The following ARFGEF3 variants were observed in gnomAD, a reference collection of about 807,000 sequenced individuals.
ARFGEF3 encodes the protein ARFGEF family member 3.
In ARFGEF3, 96 loss-of-function variants were observed where a neutral mutation model predicts 221.7. The ratio of observed to expected loss-of-function variants is 0.43; its 90% confidence interval spans 0.37 to 0.51. The LOEUF is 0.51. Among genes scored for constraint, ARFGEF3 ranks in the 20% least tolerant of loss-of-function variants. ARFGEF3 has a pLI of 0.00. For missense variants in ARFGEF3, 2,410 were observed against 2,789.9 expected, an observed-to-expected ratio of 0.86 and a Z score of 3.07; for synonymous variants, 1,145 against 1,126.8, an observed-to-expected ratio of 1.02 and a Z score of -0.32.
intron 2 of ARFGEF3, among the ~76,000 whole-genome samples, chr6:138,179,421 T>C (rs1777018530): frequency 6.6e-6 from 1 of 152,206 alleles, no homozygotes; most frequent in African/African-American, 2.4e-5. Flanking sequence ...CCTAATTGCT[T>C]TCTCTTGCCA....
Position 138,206,909 on chromosome 6 carries a change from G to T in ARFGEF3, c.138-133G>T, listed in dbSNP as rs114844043. 1.4e-4 allele frequency: 94 copies of T among 658,690 alleles called. 1 individual carries two copies. The African/African-American group carries it at 1.6e-3, about 11-fold the overall frequency. 40.8% of individuals were successfully genotyped at this position (658,690 alleles called of 1,614,324 possible). Reference sequence around the variant, plus strand: ...GCTGTGTTTTCTCTTAAGCCCATGTGCATTTTTATTATTGGTTATAGTTTT... The same window carrying T: ...GCTGTGTTTTCTCTTAAGCCCATGTTCATTTTTATTATTGGTTATAGTTTT... On this transcript the variant is annotated intron_variant, in intron 2 of 33. Transcript: ENST00000251691.
In ARFGEF3 at chr6:138,286,041, T is replaced by C. The variant is rs765351332; in HGVS notation, c.2557T>C (p.Ser853Pro). Residue 853 changes from serine (S) to proline (P), a missense_variant, in exon 15 of 34, where the codon TCC (serine) becomes CCC (proline). Transcript: ENST00000251691. ...CGCCCAGAGCAGGAGAATTGATGAC[T>C]CCACAGTGGCAGGTAATGACTTGGG... Reference protein sequence around the residue: ...PFAQSRRIDDSTVAGVAFARY... With the variant: ...PFAQSRRIDDPTVAGVAFARY... 1 of 1,599,616 alleles carries C rather than the reference T, an allele frequency of 6.3e-7. No homozygotes were observed. The highest frequency in any genetic ancestry group is 2.2e-5 in the East Asian group (1 of 44,872).
At chr6:138,298,392 A>T (rs1779561125) in intron 21 of ARFGEF3, among the ~76,000 whole-genome samples, 1 of 152,256 alleles carries the variant, frequency 6.6e-6, no homozygotes, top group African/African-American at 2.4e-5. Flanking sequence ...TAGAAACATT[A>T]ACATGAAATT....
intron 2 of ARFGEF3, among the ~76,000 whole-genome samples, chr6:138,179,266 G>C (rs1777016267): frequency 6.6e-6 from 1 of 152,172 alleles, no homozygotes; most frequent in Non-Finnish European, 1.5e-5. Context: ...GAATCCTGGA[G>C]CTATTTTGTC....
intron 8 of ARFGEF3, among the ~76,000 whole-genome samples, chr6:138,246,593 T>G (rs1267268666): frequency 6.6e-6 from 1 of 152,234 alleles, no homozygotes; most frequent in Non-Finnish European, 1.5e-5. Flanking sequence ...TCTTCTGTTG[T>G]TCCTGTAAGT....
At chr6:138,220,114 T>C (rs1777954741) in intron 4 of ARFGEF3, among the ~76,000 whole-genome samples, 1 of 152,122 alleles carries the variant, frequency 6.6e-6, no homozygotes, top group Non-Finnish European at 1.5e-5. Flanking sequence ...GACCTCCAGG[T>C]CTCAGGTGAT....
intron 12 of ARFGEF3, among the ~76,000 whole-genome samples, chr6:138,272,142 CATTT>C (rs6149826): frequency 6.1e-5 from 9 of 148,752 alleles, no homozygotes; most frequent in Admixed American, 2.0e-4. Flanking sequence ...TAGCAGATGC[CATTT>C]ATTTATTTAT....
chr6:138,264,808 A>G (rs1158615190), intron 12 of ARFGEF3, among the ~76,000 whole-genome samples: 2 of 152,200 alleles, frequency 1.3e-5, no homozygotes, highest in Non-Finnish European at 2.9e-5. Flanking sequence ...CTTAACAAGT[A>G]TCTTTAAGAA....
chr6:138,242,130 C>G (rs1415398703), intron 6 of ARFGEF3, among the ~76,000 whole-genome samples: 1 of 152,132 alleles, frequency 6.6e-6, no homozygotes, highest in Non-Finnish European at 1.5e-5. Context: ...AAATGCGTGC[C>G]TGTAGCAAGT....
At chr6:138,184,323 A>G (rs1012779511) in intron 2 of ARFGEF3, among the ~76,000 whole-genome samples, 2 of 152,158 alleles carry the variant, frequency 1.3e-5, no homozygotes, top group Admixed American at 6.5e-5. Flanking sequence ...TCTTATGAAG[A>G]TTACATAAGA....
chr6:138,217,837 A>C, intron 4 of ARFGEF3: 1 of 1,122,348 alleles, frequency 8.9e-7, no homozygotes, highest in Admixed American at 3.3e-5. Context: ...TAGAATTGAA[A>C]TAACCTCCTA....
At chr6:138,282,487 G>A (rs1234945885) in intron 14 of ARFGEF3, among the ~76,000 whole-genome samples, 3 of 151,940 alleles carry the variant, frequency 2.0e-5, no homozygotes, top group African/African-American at 4.8e-5. Context: ...CTTACAAGGT[G>A]TCAGAATAAA....
At chr6:138,262,671 A>T in intron 11 of ARFGEF3, 30 bp from the exon 12 acceptor site, 1 of 1,556,450 alleles carries the variant, frequency 6.4e-7, no homozygotes, top group East Asian at 2.3e-5. Context: ...TTATGCATTT[A>T]TTCCATTTTC....
intron 16 of ARFGEF3, 45 bp from the exon 17 acceptor site, chr6:138,287,029 A>C: frequency 6.4e-7 from 1 of 1,558,782 alleles, no homozygotes; most frequent in Non-Finnish European, 8.7e-7. Context: ...GTGAATGGTT[A>C]GAGGATATAC....
intron 1 of ARFGEF3, among the ~76,000 whole-genome samples, chr6:138,165,251 TC>T (rs1297940575): frequency 6.7e-6 from 1 of 148,742 alleles, no homozygotes; most frequent in Non-Finnish European, 1.5e-5. Context: ...AGAGGGGATA[TC>T]CCCCTCTGAG....
chr6:138,324,579 T>A (rs749610066), intron 31 of ARFGEF3, among the ~76,000 whole-genome samples: 1 of 152,254 alleles, frequency 6.6e-6, no homozygotes, highest in Non-Finnish European at 1.5e-5. Context: ...CTTAATAAAT[T>A]TGAGTTGAAT....
chr6:138,318,947 C>CAAAG (rs955405008), intron 27 of ARFGEF3, among the ~76,000 whole-genome samples: 4 of 152,058 alleles, frequency 2.6e-5, no homozygotes, highest in Non-Finnish European at 4.4e-5. Context: ...AATTTGCTGA[C>CAAAG]AAAGAATAAT....
At position 138,193,573 on chromosome 6, in the gene ARFGEF3, T is replaced by C. The variant is rs543101223; in HGVS notation, c.138-13469T>C. On this transcript the variant is annotated intron_variant, in intron 2 of 33. Coordinates refer to ENST00000251691, the MANE Select transcript of ARFGEF3 (RefSeq NM_020340.5). ...ATGCTCTATTTATTACTAAAACTCTTATGTACTTCTCACAAATGGATTATT... is the reference window on the plus strand; with the variant it reads ...ATGCTCTATTTATTACTAAAACTCTCATGTACTTCTCACAAATGGATTATT... Among the ~76,000 whole-genome samples, 4 of 152,340 alleles carry C rather than the reference T, an allele frequency of 2.6e-5. No homozygotes were observed. In the East Asian group the frequency reaches 7.7e-4, roughly 29 times the overall value.
At chr6:138,275,601 G>A (rs1258915760) in intron 12 of ARFGEF3, among the ~76,000 whole-genome samples, 3 of 152,038 alleles carry the variant, frequency 2.0e-5, no homozygotes, top group African/African-American at 7.2e-5. Context: ...AAAATTAGCT[G>A]CATGTGGTGG....
Sources: allele counts gnomAD v4.1 joint callset (sites outside exome capture counted in the v4.1 genomes callset), GRCh38; gene constraint gnomAD v4.1.1; transcripts MANE v1.5; gene names NCBI Gene and HGNC (gene_info 2026-07-23, HGNC 2026-07-21).